The following PPP2R2D variants were observed in gnomAD, a reference collection of about 807,000 sequenced individuals.
PPP2R2D encodes the protein protein phosphatase 2 regulatory subunit Bdelta.
Under a neutral mutation model 31.1 loss-of-function variants are expected in PPP2R2D, and 9 were observed. That is an observed-to-expected ratio of 0.29 (90% CI 0.17 to 0.51). The LOEUF (loss-of-function observed/expected upper bound fraction) is 0.51. Ranked by LOEUF, PPP2R2D falls within the 20% of genes least tolerant of loss-of-function variation. The pLI is 0.98. For missense variants in PPP2R2D, 391 were observed against 465.6 expected, an observed-to-expected ratio of 0.84 and a Z score of 1.48; for synonymous variants, 179 against 172.6, an observed-to-expected ratio of 1.04 and a Z score of -0.29.
chr10:131,955,962 A>G lies in PPP2R2D; in HGVS notation c.1361A>G (p.Ter454TrpextTer30). Residue 454 changes from the stop codon to tryptophan, a stop_lost, in exon 9 of 9, where the codon TAG becomes TGG. Transcript: ENST00000455566. ...TACATATTCCAGGACAAAATCAACT[A>G]GAGACGCGAACGTGAGGACCAAGTC... ...NLYIFQDKIN[*>W] is the part of the protein sequence containing the mutation. 6.6e-7 allele frequency: 1 copy of G among 1,505,536 alleles called. No individual in the cohort carries two copies. Among genetic ancestry groups the G allele is most frequent in the Non-Finnish European group, 8.9e-7 (1 of 1,118,168 alleles). The allele number at this position is 1,505,536 out of a possible 1,614,324, so 93.3% of individuals were successfully genotyped here.
chr10:131,926,461 G>A (rs2036107707), intron 2 of PPP2R2D, among the ~76,000 whole-genome samples: 1 of 152,120 alleles, frequency 6.6e-6, no homozygotes, highest in African/African-American at 2.4e-5. Flanking sequence ...AGGATCGCTT[G>A]AGCCCAGGAG....
chr10:131,952,864 G>T (rs113243217), intron 8 of PPP2R2D, among the ~76,000 whole-genome samples: 4 of 49,214 alleles, frequency 8.1e-5, no homozygotes, highest in African/African-American at 3.2e-4. Flanking sequence ...TTGCGGGGGG[G>T]GTCCCTGTCT....
At chr10:131,970,927 A>T in the PPP2R2D span, 4 of 1,614,234 alleles carry the variant, frequency 2.5e-6, no homozygotes, top group Non-Finnish European at 3.4e-6. The surrounding 1 kb of genome is among the most constrained non-coding windows in gnomAD (Gnocchi z 4.1). Context: ...TTTCTTCAAG[A>T]TGCTTTCAAC....
At position 131,919,572 on chromosome 10, in the gene PPP2R2D, C is replaced by G. The variant is rs1329777283; in HGVS notation, c.101-14886C>G. ...GGAATGACACAATGTAGGGATCTCA[C>G]GTGGGTGGAATGACAGTGTTTGTAG... On this transcript the variant is annotated intron_variant, in intron 2 of 8. Transcript: ENST00000455566. Among the ~76,000 whole-genome samples the G allele has an allele frequency of 4.1e-4, 46 of 112,436 alleles. 2 individuals carry two copies. The highest frequency in any genetic ancestry group is 1.5e-3 in the African/African-American group (43 of 28,580). 73.8% of individuals were successfully genotyped at this position (112,436 alleles called of 152,430 possible).
intron 2 of PPP2R2D, among the ~76,000 whole-genome samples, chr10:131,921,562 C>A (rs1437751210): frequency 6.6e-6 from 1 of 152,030 alleles, no homozygotes; most frequent in African/African-American, 2.4e-5. Context: ...CAGGCTGGGG[C>A]AATGGGGTGT....
At chr10:131,948,727 A>T (rs576404647) in intron 8 of PPP2R2D, among the ~76,000 whole-genome samples, 1 of 152,214 alleles carries the variant, frequency 6.6e-6, no homozygotes, top group Non-Finnish European at 1.5e-5. Flanking sequence ...TTATGGTGCA[A>T]AGCTGAAGCC....
rs1161938248 is a variant in PPP2R2D, at chr10:131,904,672, G to T, written c.100+3342G>T. On this transcript the variant is annotated intron_variant, in intron 2 of 8. Transcript: ENST00000455566. Reference sequence around the variant, plus strand: ...TCTGGGCCAAGTTCAGCTCTGTAGAGCTTTACTACAGCCCTGCACTCTGGC... The same window carrying T: ...TCTGGGCCAAGTTCAGCTCTGTAGATCTTTACTACAGCCCTGCACTCTGGC... 3.3e-5 allele frequency among the ~76,000 whole-genome samples: 5 copies of T among 152,318 alleles called. No individual in the cohort carries two copies. The East Asian group carries it at 9.6e-4, about 29-fold the overall frequency.
In PPP2R2D at chr10:131,958,253, G is replaced by A; in HGVS notation, c.*2290G>A. ...TACTGATCCCCTGTTCCCCTATCTA[G>A]ATGAAGGTGTGTACTGCTGATCCCC... is the stretch of plus-strand genomic sequence containing the variant. On this transcript the variant is annotated 3_prime_UTR_variant, in exon 9 of 9. Transcript: ENST00000455566. 4.9e-6 allele frequency: 1 copy of A among 202,060 alleles called. No individual in the cohort carries two copies. Among genetic ancestry groups the A allele is most frequent in the East Asian group, 1.6e-4 (1 of 6,166 alleles). The allele number at this position is 202,060 out of a possible 1,614,324, so 12.5% of individuals were successfully genotyped here. A position where few individuals can be genotyped will look rare whatever the true frequency, so the allele number is the denominator to read the frequency against.
At chr10:131,915,193 A>G (rs138754817) in intron 2 of PPP2R2D, among the ~76,000 whole-genome samples, 267 of 152,160 alleles carry the variant, frequency 1.8e-3, no homozygotes, top group African/African-American at 6.3e-3. Context: ...AACTAGATTT[A>G]AAAGAAAGCA....
intron 2 of PPP2R2D, 106 bp from the exon 3 acceptor site, chr10:131,934,352 A>G: frequency 3.1e-6 from 2 of 646,572 alleles, no homozygotes; most frequent in South Asian, 3.7e-5. Flanking sequence ...TCTCGGAGAA[A>G]GTTGTATATG....
At chr10:131,910,137 T>A (rs886330095) in intron 2 of PPP2R2D, among the ~76,000 whole-genome samples, 2 of 152,188 alleles carry the variant, frequency 1.3e-5, no homozygotes, top group Non-Finnish European at 2.9e-5. Flanking sequence ...TGGCAGCGTG[T>A]TTGAGTGTGC....
chr10:131,930,499 G>A (rs557477985), intron 2 of PPP2R2D, among the ~76,000 whole-genome samples: 6 of 152,314 alleles, frequency 3.9e-5, no homozygotes, highest in Admixed American at 1.3e-4. Flanking sequence ...TTGCATATTC[G>A]AAAACATTTT....
intron 3 of PPP2R2D, 120 bp downstream of exon 3, chr10:131,934,675 C>A: frequency 1.5e-6 from 1 of 684,838 alleles, no homozygotes; most frequent in Non-Finnish European, 2.7e-6. Context: ...AGTTCCATCA[C>A]ATTAGCCATA....
At chr10:131,931,563 G>T (rs549257055) in intron 2 of PPP2R2D, among the ~76,000 whole-genome samples, 26 of 152,292 alleles carry the variant, frequency 1.7e-4, no homozygotes, top group African/African-American at 6.3e-4. Flanking sequence ...GGCCAGGCTG[G>T]TCTCGAACTC....
rs1295587762 is a variant in PPP2R2D, at chr10:131,901,121, G to A, written c.-28G>A. 1.2e-5 allele frequency: 3 copies of A among 247,316 alleles called. No homozygotes were observed. The highest frequency in any genetic ancestry group is 2.3e-5 in the Non-Finnish European group (3 of 131,392). The allele number at this position is 247,316 out of a possible 1,614,324, so 15.3% of individuals were successfully genotyped here. On this transcript the variant is annotated 5_prime_UTR_variant, in exon 1 of 9. Transcript: ENST00000455566. Reference sequence around the variant, plus strand: ...GAGGCCGTCTCCCTGGTCTGCCGCGGTCCCCGCCCGTCCCGCCGCCGGCTG... The same window carrying A: ...GAGGCCGTCTCCCTGGTCTGCCGCGATCCCCGCCCGTCCCGCCGCCGGCTG...
At chr10:131,961,294 C>T (rs148524305), downstream of PPP2R2D, among the ~76,000 whole-genome samples, 543 of 152,310 alleles carry the variant, frequency 3.6e-3, 2 homozygotes, top group Middle Eastern at 0.017. Context: ...CTTCTCTGCA[C>T]AGGTGGTGTG....
At chr10:131,907,582 A>G (rs896822465) in intron 2 of PPP2R2D, among the ~76,000 whole-genome samples, 1 of 152,090 alleles carries the variant, frequency 6.6e-6, no homozygotes, top group Non-Finnish European at 1.5e-5. Flanking sequence ...CTACTAAAAA[A>G]AATACAAAAA....
At chr10:131,943,858 A>G (rs1306002189) in intron 5 of PPP2R2D, 110 bp from the exon 6 acceptor site, 1 of 655,630 alleles carries the variant, frequency 1.5e-6, no homozygotes, top group Non-Finnish European at 2.7e-6. Context: ...GTACAGAATT[A>G]TTACTTAGCC....
intron 2 of PPP2R2D, among the ~76,000 whole-genome samples, chr10:131,902,904 G>A (rs1188563768): frequency 6.6e-6 from 1 of 151,928 alleles, no homozygotes; most frequent in African/African-American, 2.4e-5. Context: ...ACACACGCGT[G>A]CACCACCACA....
Sources: gnomAD v4.1 joint callset for allele counts (sites outside exome capture counted in the v4.1 genomes callset) on GRCh38, gnomAD v4.1.1 for gene constraint, Gnocchi (gnomAD v3.1) non-coding constraint, MANE v1.5 for transcripts, NCBI Gene and HGNC (gene_info 2026-07-23, HGNC 2026-07-21) for gene names.